The following KANSL1L variants were observed in gnomAD, a reference collection of about 807,000 sequenced individuals.
KANSL1L encodes KAT8 regulatory NSL complex subunit 1-like protein.
In KANSL1L, 25 loss-of-function variants were observed where a neutral mutation model predicts 108.6. The ratio of observed to expected loss-of-function variants is 0.23; its 90% confidence interval spans 0.17 to 0.32. The LOEUF (loss-of-function observed/expected upper bound fraction) is 0.32, where lower values mean the gene tolerates loss of function less well. Ranked by LOEUF, KANSL1L falls within the 10% of genes least tolerant of loss-of-function variation. The pLI is 1.00. For synonymous variants in KANSL1L, 405 were observed against 395.1 expected (o/e 1.03, Z -0.30); for missense variants, 1,137 against 1,125.7 (o/e 1.01, Z -0.14).
chr2:210,117,969 G>A (rs1036668296), intron 3 of KANSL1L, among the ~76,000 whole-genome samples: 4 of 151,926 alleles, frequency 2.6e-5, no homozygotes, highest in African/African-American at 9.7e-5. Flanking sequence ...TTTGAGACTA[G>A]CCTGACCAAC....
intron 5 of KANSL1L, chr2:210,097,101 G>A (rs909523217): frequency 5.5e-5 from 13 of 236,996 alleles, no homozygotes; most frequent in South Asian, 1.6e-4. Context: ...ACACCACCAC[G>A]CCCGGCTAAT....
At chr2:210,149,566 C>T (rs942246573) in intron 2 of KANSL1L, among the ~76,000 whole-genome samples, 4 of 151,656 alleles carry the variant, frequency 2.6e-5, no homozygotes, top group South Asian at 2.1e-4. Flanking sequence ...TTTTCACAAA[C>T]GTAGAGAAGA....
chr2:210,040,924 T>C (rs898821566), intron 7 of KANSL1L, among the ~76,000 whole-genome samples: 14 of 152,150 alleles, frequency 9.2e-5, no homozygotes, highest in Admixed American at 2.6e-4. Flanking sequence ...ATCCATTCCA[T>C]CCCATCCCTA....
At chr2:210,025,489 A>C (rs1382827386) in intron 12 of KANSL1L, among the ~76,000 whole-genome samples, 2 of 152,324 alleles carry the variant, frequency 1.3e-5, no homozygotes, top group African/African-American at 4.8e-5. Context: ...CGGGAGGCGG[A>C]GGTTGCAGTG....
At chr2:210,138,994 G>T (rs1263457670) in intron 2 of KANSL1L, among the ~76,000 whole-genome samples, 3 of 152,132 alleles carry the variant, frequency 2.0e-5, no homozygotes, top group Admixed American at 2.0e-4. Context: ...AGCTACTGGG[G>T]AGGCTGAGGC....
chr2:210,166,108 G>A (rs1254007286), intron 1 of KANSL1L, among the ~76,000 whole-genome samples: 1 of 152,006 alleles, frequency 6.6e-6, no homozygotes, highest in Admixed American at 6.6e-5. Context: ...AAATAAAGAT[G>A]GACTACTGTA....
intron 1 of KANSL1L, among the ~76,000 whole-genome samples, chr2:210,161,074 C>T (rs1241831224): frequency 2.0e-5 from 3 of 151,286 alleles, no homozygotes; most frequent in Non-Finnish European, 4.4e-5. Context: ...CCGCAACCTC[C>T]GCCTCCCAGG....
At chr2:210,097,875 ATC>A in intron 5 of KANSL1L, 2 of 287,446 alleles carry the variant, frequency 7.0e-6, no homozygotes, top group Non-Finnish European at 6.4e-6. Flanking sequence ...CTTCCCAGAA[ATC>A]TCTCTCCCTC....
Position 210,029,891 on chromosome 2 carries a change from T to C in KANSL1L, c.2183A>G (p.Asp728Gly). ...LGERTKLEES[D>G]FQHTESGSHS... is the part of the protein sequence containing the mutation. ...GGATCCTGATTCTGTGTGTTGAAAA[T>C]CAGATTCTTCAAGTTTAGTTCTTTC... Residue 728 changes from aspartate (D) to glycine (G), a missense_variant, in exon 10 of 15, where the codon GAT becomes GGT. Physicochemically the swap from Asp to Gly is moderately conservative, Grantham distance 94 (BLOSUM62 -1). Around this residue, in one of 3 missense-constraint regions of KANSL1L, gnomAD observed 575 missense variants for 567.1 expected, o/e 1.01. Transcript: ENST00000281772. 1.2e-6 allele frequency: 2 copies of C among 1,601,706 alleles called. No homozygotes were observed. Among genetic ancestry groups the C allele is most frequent in the Non-Finnish European group, 1.7e-6 (2 of 1,170,644 alleles).
At chr2:210,155,556 T>C (rs2095328505) in intron 1 of KANSL1L, among the ~76,000 whole-genome samples, 1 of 152,198 alleles carries the variant, frequency 6.6e-6, no homozygotes, top group South Asian at 2.1e-4. Context: ...CAAATGAATA[T>C]GCATCAGAAT....
In KANSL1L at chr2:210,043,947, A is replaced by C. The variant is rs1172286993; in HGVS notation, c.1913T>G (p.Leu638Trp). ...LDSSFHSVLS[L>W]PSDVPLHFHF... ...GTTACAAGGAGGCTTACCTGATGGC[A>C]ATGATAGAACAGAATGGAAAGAGGA... Residue 638 changes from leucine (L) to tryptophan (W), a missense_variant, in exon 7 of 15, where the codon TTG (leucine) becomes TGG (tryptophan). This residue lies in a region of KANSL1L where 575 missense variants were observed against 567.1 expected (regional missense o/e 1.01). Transcript: ENST00000281772. The C allele has an allele frequency of 6.3e-7, 1 of 1,586,732 alleles. No homozygotes were observed. Among genetic ancestry groups the C allele is most frequent in the Non-Finnish European group, 8.6e-7 (1 of 1,167,234 alleles).
intron 6 of KANSL1L, among the ~76,000 whole-genome samples, chr2:210,065,009 A>C (rs2094454015): frequency 6.6e-6 from 1 of 151,914 alleles, no homozygotes; most frequent in Non-Finnish European, 1.5e-5. Flanking sequence ...TGATCTTAAA[A>C]AGAAGCTGTT....
intron 2 of KANSL1L, among the ~76,000 whole-genome samples, chr2:210,140,098 C>T (rs1369314710): frequency 4.6e-5 from 7 of 152,058 alleles, no homozygotes; most frequent in East Asian, 3.9e-4. Flanking sequence ...CCTTTTCAGA[C>T]GTATAGTTTG....
chr2:210,087,842 A>G (rs2094652217), intron 5 of KANSL1L, among the ~76,000 whole-genome samples: 1 of 152,228 alleles, frequency 6.6e-6, no homozygotes, highest in Non-Finnish European at 1.5e-5. Flanking sequence ...TGCAGGATCA[A>G]TACTACCAAT....
At chr2:210,128,615 T>C (rs2095090790) in intron 3 of KANSL1L, among the ~76,000 whole-genome samples, 2 of 152,148 alleles carry the variant, frequency 1.3e-5, no homozygotes, top group Admixed American at 6.6e-5. Context: ...ACAGTTATTA[T>C]TTAATGGGTT....
At chr2:210,097,933 C>CA (rs1216316781) in intron 5 of KANSL1L, 153 bp downstream of exon 5, 10 of 425,676 alleles carry the variant, frequency 2.3e-5, no homozygotes, top group Non-Finnish European at 3.7e-5. Context: ...TTAATATTAT[C>CA]AAAAAATGCA....
intron 3 of KANSL1L, among the ~76,000 whole-genome samples, chr2:210,119,417 A>G (rs1003911200): frequency 1.3e-5 from 2 of 152,198 alleles, no homozygotes. Context: ...AATATCCCTG[A>G]TTATATTGAT....
At chr2:210,050,545 A>G (rs1436171541) in intron 6 of KANSL1L, among the ~76,000 whole-genome samples, 1 of 152,016 alleles carries the variant, frequency 6.6e-6, no homozygotes, top group Non-Finnish European at 1.5e-5. Flanking sequence ...TCTGCAGGGG[A>G]TACAGTGGAT....
At chr2:210,147,084 CA>C (rs1004707990) in intron 2 of KANSL1L, among the ~76,000 whole-genome samples, 16 of 151,408 alleles carry the variant, frequency 1.1e-4, no homozygotes, top group African/African-American at 2.9e-4. Context: ...TCACGTTGCT[CA>C]AAAAAAAGCC....
Sources: allele counts gnomAD v4.1 joint callset (sites outside exome capture counted in the v4.1 genomes callset), GRCh38; gene constraint gnomAD v4.1.1; regional missense constraint gnomAD v4.1.1; transcripts MANE v1.5; gene names NCBI Gene and HGNC (gene_info 2026-07-23, HGNC 2026-07-21).